RAD51B: variants seen among roughly 807,000 people sequenced by gnomAD.
RAD51B encodes DNA repair protein RAD51 homolog 2.
In RAD51B, 38 loss-of-function variants were observed where a neutral mutation model predicts 42.2. The observed-to-expected ratio is 0.90, with a 90% CI of 0.70 to 1.18. The LOEUF (loss-of-function observed/expected upper bound fraction) is 1.18. Among genes scored for constraint, RAD51B ranks in the 50% most tolerant of loss-of-function variants. The pLI is 0.00. For synonymous variants in RAD51B, 154 were observed against 145.2 expected, an observed-to-expected ratio of 1.06 and a Z score of -0.43; for missense variants, 373 against 400.7, an observed-to-expected ratio of 0.93 and a Z score of 0.59.
chr14:68,414,858 C>CT (rs2084513219), intron 9 of RAD51B, among the ~76,000 whole-genome samples: 1 of 71,806 alleles, frequency 1.4e-5, no homozygotes, highest in Non-Finnish European at 2.6e-5. Context: ...CCCATCTCTA[C>CT]TAAAAAAAAA....
chr14:68,308,130 A>C (rs1384490529), intron 8 of RAD51B, among the ~76,000 whole-genome samples: 2 of 152,176 alleles, frequency 1.3e-5, no homozygotes. Flanking sequence ...TTGTTTTCTA[A>C]ATAATATCAA....
At chr14:68,338,343 G>C (rs1566817856) in intron 8 of RAD51B, among the ~76,000 whole-genome samples, 1 of 152,148 alleles carries the variant, frequency 6.6e-6, no homozygotes, top group African/African-American at 2.4e-5. Flanking sequence ...GCTTCTCTCT[G>C]TACATCTGCT....
At chr14:67,985,381 A>C (rs890331476) in intron 7 of RAD51B, among the ~76,000 whole-genome samples, 7 of 152,340 alleles carry the variant, frequency 4.6e-5, no homozygotes, top group African/African-American at 1.7e-4. Context: ...CAAAAGAGGC[A>C]TATGTAACAT....
chr14:67,907,058 CT>C (rs1380716194), intron 7 of RAD51B, among the ~76,000 whole-genome samples: 2 of 152,142 alleles, frequency 1.3e-5, no homozygotes. Context: ...ATCTGCCCAT[CT>C]TGGCCTCCCA....
intron 7 of RAD51B, among the ~76,000 whole-genome samples, chr14:67,975,903 TC>T (rs1192106905): frequency 6.6e-6 from 1 of 152,204 alleles, no homozygotes; most frequent in Non-Finnish European, 1.5e-5. Context: ...CTTATCCCCA[TC>T]CCTAATATCA....
chr14:68,261,429 G>C (rs180996926), intron 7 of RAD51B, among the ~76,000 whole-genome samples: 1 of 152,288 alleles, frequency 6.6e-6, no homozygotes, highest in Admixed American at 6.5e-5. Flanking sequence ...TGGGAGTTGA[G>C]GTGAAAGATA....
chr14:68,015,582 A>G (rs1344280132), intron 7 of RAD51B, among the ~76,000 whole-genome samples: 1 of 152,316 alleles, frequency 6.6e-6, no homozygotes, highest in Admixed American at 6.5e-5. Flanking sequence ...TGCCCTTTAT[A>G]AAACCATCAG....
At chr14:68,114,539 G>A (rs408156) in intron 7 of RAD51B, among the ~76,000 whole-genome samples, 49,606 of 151,862 alleles carry the variant, frequency 0.33, 10,376 homozygotes, top group African/African-American at 0.6. Flanking sequence ...TATATAAAAC[G>A]TGCTAAAATT....
chr14:67,836,019 T>C (rs553344696), intron 4 of RAD51B, among the ~76,000 whole-genome samples: 266 of 152,384 alleles, frequency 1.7e-3, no homozygotes, highest in African/African-American at 6.2e-3. Context: ...CTTTCTGTTA[T>C]AGATAAAATT....
chr14:68,492,413 G>A lies in RAD51B; in HGVS notation c.1036+24163G>A, dbSNP rs189985136. Among the ~76,000 whole-genome samples, 452 of 152,212 alleles carry A rather than the reference G, an allele frequency of 3.0e-3. 1 individual carries two copies. Among genetic ancestry groups the A allele is most frequent in the Admixed American group, 5.0e-3 (76 of 15,290 alleles). On this transcript the variant is annotated intron_variant, in intron 10 of 10. Transcript: ENST00000487270. ...TTCTTAAGCACCTAGAGCAGTGTCA[G>A]GTATATTAATGACCTGCAATAAATA...
At chr14:68,147,805 A>T (rs1376670904) in intron 7 of RAD51B, among the ~76,000 whole-genome samples, 5 of 5,590 alleles carry the variant, frequency 8.9e-4, no homozygotes, top group African/African-American at 1.6e-3. Context: ...AAGGGAAATT[A>T]AAAAAAAAAA....
intron 7 of RAD51B, among the ~76,000 whole-genome samples, chr14:67,941,970 G>T (rs2045225329): frequency 6.6e-6 from 1 of 152,204 alleles, no homozygotes; most frequent in Admixed American, 6.5e-5. Context: ...TCAGAGTACA[G>T]ACCAGTTTGG....
intron 8 of RAD51B, among the ~76,000 whole-genome samples, chr14:68,372,910 G>A (rs539647282): frequency 6.6e-6 from 1 of 152,282 alleles, no homozygotes; most frequent in South Asian, 2.1e-4. Context: ...ACTCACTGTT[G>A]GATCTGTAGT....
rs369895933 is a variant in RAD51B, at chr14:67,853,507, G to A, written c.316-11496G>A. Among the ~76,000 whole-genome samples, 11 of 152,296 alleles carry A rather than the reference G, an allele frequency of 7.2e-5. No individual in the cohort carries two copies. In the East Asian group the frequency reaches 1.9e-3, roughly 27 times the overall value. On this transcript the variant is annotated intron_variant, in intron 4 of 10. Transcript: ENST00000471583. ...ATAATAAATGGATGCTGTTCAAGCTGCCAAGTTTGTGGTAATTTGTTATGA... is the reference window on the plus strand; with the variant it reads ...ATAATAAATGGATGCTGTTCAAGCTACCAAGTTTGTGGTAATTTGTTATGA...
chr14:68,660,749 G>A (rs1892916249), intron 11 of RAD51B, among the ~76,000 whole-genome samples: 1 of 152,220 alleles, frequency 6.6e-6, no homozygotes, highest in African/African-American at 2.4e-5. Context: ...ACTAGGCAAT[G>A]CTCCCAGAGG....
intron 8 of RAD51B, among the ~76,000 whole-genome samples, chr14:68,308,170 TA>T (rs1414093632): frequency 6.6e-6 from 1 of 152,220 alleles, no homozygotes; most frequent in Non-Finnish European, 1.5e-5. Context: ...CCAACTTGAG[TA>T]TTTTTTGCCC....
intron 7 of RAD51B, among the ~76,000 whole-genome samples, chr14:68,143,482 G>T (rs1027956967): frequency 3.3e-5 from 5 of 152,208 alleles, no homozygotes; most frequent in African/African-American, 1.2e-4. Context: ...CATTGAAGCA[G>T]ACAGCTGAAA....
intron 8 of RAD51B, among the ~76,000 whole-genome samples, chr14:68,375,434 G>A (rs1356369184): frequency 6.6e-6 from 1 of 152,158 alleles, no homozygotes. Flanking sequence ...CCTAGTGTGT[G>A]TTATATGCAG....
At chr14:68,242,644 C>A (rs2080414735) in intron 7 of RAD51B, among the ~76,000 whole-genome samples, 1 of 152,096 alleles carries the variant, frequency 6.6e-6, no homozygotes, top group African/African-American at 2.4e-5. Context: ...GTGCTAATTG[C>A]TGGGGTTAAG....
Sources: allele counts gnomAD v4.1 joint callset (sites outside exome capture counted in the v4.1 genomes callset), GRCh38; gene constraint gnomAD v4.1.1; transcripts MANE v1.5; gene names NCBI Gene and HGNC (gene_info 2026-07-23, HGNC 2026-07-21).